The following PARD3 variants were observed in gnomAD, a reference collection of about 807,000 sequenced individuals.
PARD3 encodes the protein partitioning defective 3 homolog.
PARD3 carries 75 observed loss-of-function variants against 155.4 expected under a neutral mutation model. The observed-to-expected ratio is 0.48, with a 90% CI of 0.40 to 0.58. PARD3 has a LOEUF of 0.58. PARD3 is among the 20% of genes least tolerant of loss of function. The probability of loss-of-function intolerance (pLI) is 0.00; values close to 1 mark genes in which losing one functional copy is unlikely to be tolerated. For synonymous variants in PARD3, 576 were observed against 610.5 expected (o/e 0.94, Z 0.83); for missense variants, 1,642 against 1,721.7 (o/e 0.95, Z 0.82).
chr10:34,574,363 A>G (rs1169991567), intron 2 of PARD3, among the ~76,000 whole-genome samples: 1 of 152,162 alleles, frequency 6.6e-6, no homozygotes, highest in African/African-American at 2.4e-5. Context: ...TTCTGATCTG[A>G]CCATCACCAA....
At chr10:34,153,812 T>C (rs945602179) in intron 22 of PARD3, among the ~76,000 whole-genome samples, 1 of 152,244 alleles carries the variant, frequency 6.6e-6, no homozygotes, top group Non-Finnish European at 1.5e-5. Context: ...TTTCCCCTTA[T>C]GGTGTAACTC....
chr10:34,604,220 T>C (rs1450686741), intron 2 of PARD3, among the ~76,000 whole-genome samples: 1 of 152,058 alleles, frequency 6.6e-6, no homozygotes, highest in Non-Finnish European at 1.5e-5. Flanking sequence ...GTCAACTTGA[T>C]TGGATTGAGG....
At chr10:34,609,048 C>T (rs560021878) in intron 2 of PARD3, among the ~76,000 whole-genome samples, 12 of 152,154 alleles carry the variant, frequency 7.9e-5, no homozygotes, top group African/African-American at 2.4e-4. Context: ...CATCAAAAGG[C>T]CCAGAACATT....
chr10:34,670,619 A>G (rs1009535555), intron 2 of PARD3, among the ~76,000 whole-genome samples: 1 of 152,102 alleles, frequency 6.6e-6, no homozygotes, highest in African/African-American at 2.4e-5. Flanking sequence ...CTGGGCATCT[A>G]TGGGGTGGGA....
At chr10:34,572,838 T>C (rs909867444) in intron 2 of PARD3, among the ~76,000 whole-genome samples, 1 of 151,876 alleles carries the variant, frequency 6.6e-6, no homozygotes, top group Non-Finnish European at 1.5e-5. Context: ...ACATAACAAC[T>C]AGCTGTGGTA....
At chr10:34,422,870 A>G (rs1832376808) in intron 5 of PARD3, among the ~76,000 whole-genome samples, 1 of 152,156 alleles carries the variant, frequency 6.6e-6, no homozygotes, top group African/African-American at 2.4e-5. Flanking sequence ...AAAAGGGTAT[A>G]GGGGTTCTTC....
At position 34,331,836 on chromosome 10, in the gene PARD3, TA is replaced by T. The variant is rs145708477; in HGVS notation, c.2606-493del. Among the ~76,000 whole-genome samples, 531 of 152,266 alleles carry T rather than the reference TA, an allele frequency of 3.5e-3. 1 individual carries two copies. Among genetic ancestry groups the T allele is most frequent in the African/African-American group, 0.012 (496 of 41,536 alleles). The stretch of plus-strand genomic sequence containing the variant: ...GTGCATTGTCAAGTCTCTTCCTTGC[TA>T]AACTGCAGACCCACAACACTGCATA... On this transcript the variant is annotated intron_variant, in intron 18 of 24. Coordinates refer to ENST00000374788, the MANE Select transcript of PARD3 (RefSeq NM_001184785.2).
rs774456144 is a variant in PARD3, at chr10:34,341,677, C to T, written c.2358G>A (p.Thr786=). Residue 786 remains threonine, a synonymous_variant, in exon 16 of 25, where the codon ACG becomes ACA. Transcript: ENST00000374788. The part of the protein sequence containing the change: ...SSSHDDVGFV[T]ADAGTWAKAA... The stretch of plus-strand genomic sequence containing the variant: ...CCTTGGCCCAAGTACCAGCATCTGC[C>T]GTCACAAACCCCACATCATCATGGG... The T allele has an allele frequency of 3.2e-5, 51 of 1,613,784 alleles. No individual in the cohort carries two copies. Among genetic ancestry groups the T allele is most frequent in the Middle Eastern group, 1.6e-4 (1 of 6,078 alleles).
intron 1 of PARD3, among the ~76,000 whole-genome samples, chr10:34,725,273 C>T (rs1048522802): frequency 6.6e-6 from 1 of 152,082 alleles, no homozygotes; most frequent in Non-Finnish European, 1.5e-5. Flanking sequence ...CTGCCTCAGC[C>T]TCCTGAGTAG....
intron 12 of PARD3, among the ~76,000 whole-genome samples, chr10:34,371,977 ATTTT>A (rs1023388836): frequency 3.7e-4 from 56 of 152,158 alleles, no homozygotes; most frequent in Non-Finnish European, 2.4e-4. Context: ...CTATGTTTGC[ATTTT>A]AATGTGAGCT....
At chr10:34,264,945 C>G (rs993999259) in intron 22 of PARD3, among the ~76,000 whole-genome samples, 1 of 152,108 alleles carries the variant, frequency 6.6e-6, no homozygotes, top group Admixed American at 6.6e-5. Context: ...GAGACGGGGT[C>G]TCACTTTGTT....
chr10:34,615,591 A>G (rs747360204), intron 2 of PARD3, among the ~76,000 whole-genome samples: 6 of 152,242 alleles, frequency 3.9e-5, no homozygotes, highest in Non-Finnish European at 7.3e-5. Context: ...AAAAGCAAAA[A>G]TAGACAAATA....
chr10:34,640,271 A>G (rs776184432), intron 2 of PARD3, among the ~76,000 whole-genome samples: 2 of 152,182 alleles, frequency 1.3e-5, no homozygotes, highest in African/African-American at 2.4e-5. Flanking sequence ...ACGTTCTTTA[A>G]AAGATTCTAA....
chr10:34,342,174 G>C (rs1372838744), intron 15 of PARD3, among the ~76,000 whole-genome samples: 1 of 152,242 alleles, frequency 6.6e-6, no homozygotes, highest in African/African-American at 2.4e-5. Context: ...AATTTACAAA[G>C]AAGCCCCACT....
intron 1 of PARD3, among the ~76,000 whole-genome samples, chr10:34,805,299 G>A (rs767946890): frequency 7.9e-5 from 12 of 152,190 alleles, no homozygotes; most frequent in Non-Finnish European, 1.6e-4. Flanking sequence ...AGAGGTTGCA[G>A]TGAGCCGAGA....
chr10:34,171,101 C>T lies in PARD3; in HGVS notation c.3420-39518G>A, dbSNP rs555286953. ...ACTCTTTATTCATGACATATAGTCT[C>T]ACATGTATACACACACGTTTATACA... On this transcript the variant is annotated intron_variant, in intron 22 of 24. Coordinates refer to ENST00000374788, the MANE Select transcript of PARD3 (RefSeq NM_001184785.2). Among the ~76,000 whole-genome samples, 5 of 152,280 alleles carry T rather than the reference C, an allele frequency of 3.3e-5. No individual in the cohort carries two copies. The East Asian group carries it at 7.7e-4, about 23-fold the overall frequency.
At chr10:34,795,359 T>C (rs1039895481) in intron 1 of PARD3, among the ~76,000 whole-genome samples, 3 of 152,130 alleles carry the variant, frequency 2.0e-5, no homozygotes, top group African/African-American at 7.2e-5. Context: ...ACCTATAATC[T>C]CAGCACTTTG....
intron 20 of PARD3, among the ~76,000 whole-genome samples, chr10:34,311,685 C>T (rs16935309): frequency 0.027 from 4,099 of 152,258 alleles, 172 homozygotes; most frequent in African/African-American, 0.094. Flanking sequence ...TTTTTTCACA[C>T]GGGAAGAACC....
At chr10:34,625,012 G>A (rs991096551) in intron 2 of PARD3, among the ~76,000 whole-genome samples, 1 of 152,168 alleles carries the variant, frequency 6.6e-6, no homozygotes, top group African/African-American at 2.4e-5. Flanking sequence ...ACCTCTCACG[G>A]AGCCCTCAGC....
Sources: gnomAD v4.1 joint callset for allele counts (sites outside exome capture counted in the v4.1 genomes callset) on GRCh38, gnomAD v4.1.1 for gene constraint, MANE v1.5 for transcripts, NCBI Gene and HGNC (gene_info 2026-07-23, HGNC 2026-07-21) for gene names.